Variants in ST8SIA6 observed in about 807,000 individuals in gnomAD.
ST8SIA6 encodes ST8 alpha-N-acetyl-neuraminide alpha-2,8-sialyltransferase 6, also known as alpha-2,8-sialyltransferase 8F.
ST8SIA6 carries 39 observed loss-of-function variants against 33.6 expected under a neutral mutation model. That is an observed-to-expected ratio of 1.16 (90% CI 0.90 to 1.52). The LOEUF (loss-of-function observed/expected upper bound fraction) is 1.52, where lower values mean the gene tolerates loss of function less well. Ranked by LOEUF, ST8SIA6 falls within the 40% of genes most tolerant of loss-of-function variation. The pLI is 0.00. For synonymous variants in ST8SIA6, 172 were observed against 167.2 expected (o/e 1.03, Z -0.22); for missense variants, 441 against 443.8 (o/e 0.99, Z 0.06).
chr10:17,436,468 C>T (rs1038441636), intron 2 of ST8SIA6, among the ~76,000 whole-genome samples: 3 of 151,790 alleles, frequency 2.0e-5, no homozygotes, highest in South Asian at 4.2e-4. Flanking sequence ...GTGTGCTGCA[C>T]CCATTAACTT....
At chr10:17,448,753 C>G (rs1394638032) in intron 2 of ST8SIA6, among the ~76,000 whole-genome samples, 1 of 150,828 alleles carries the variant, frequency 6.6e-6, no homozygotes, top group East Asian at 1.9e-4. Context: ...GTAGCTGGGA[C>G]TACAGGTGCC....
chr10:17,369,798 T>C (rs1019486698), intron 3 of ST8SIA6, among the ~76,000 whole-genome samples: 2 of 152,190 alleles, frequency 1.3e-5, no homozygotes, highest in African/African-American at 4.8e-5. Context: ...CTTTATCTCT[T>C]AACTTTATTG....
chr10:17,333,459 G>C (rs1198232470), intron 4 of ST8SIA6, among the ~76,000 whole-genome samples: 1 of 151,488 alleles, frequency 6.6e-6, no homozygotes, highest in Non-Finnish European at 1.5e-5. Flanking sequence ...AGAGAACAAA[G>C]CTGGAGGCAT....
rs190375570 is a variant in ST8SIA6, at chr10:17,400,393, G to A, written c.201-9773C>T. ...CTAAAAATACAAAACTTAGCCAGGCGTGGTGGCACATACCTGTAATCACAG... is the reference window on the plus strand; with the variant it reads ...CTAAAAATACAAAACTTAGCCAGGCATGGTGGCACATACCTGTAATCACAG... On this transcript the variant is annotated intron_variant, in intron 2 of 7. Coordinates refer to ENST00000377602, the MANE Select transcript of ST8SIA6 (RefSeq NM_001004470.3). Among the ~76,000 whole-genome samples the A allele has an allele frequency of 3.0e-3, 452 of 152,304 alleles. 2 individuals carry two copies. The highest frequency in any genetic ancestry group is 3.6e-3 in the Non-Finnish European group (247 of 68,020).
intron 3 of ST8SIA6, among the ~76,000 whole-genome samples, chr10:17,386,655 A>C (rs981971224): frequency 6.6e-6 from 1 of 152,196 alleles, no homozygotes; most frequent in African/African-American, 2.4e-5. Context: ...CCAACAAACA[A>C]CACAAGGCAG....
intron 4 of ST8SIA6, among the ~76,000 whole-genome samples, chr10:17,333,708 T>TATATAG (rs1848397166): frequency 3.0e-5 from 1 of 33,892 alleles, no homozygotes; most frequent in Non-Finnish European, 5.4e-5. Context: ...TATATATATA[T>TATATAG]ATATATATAT....
intron 7 of ST8SIA6, among the ~76,000 whole-genome samples, chr10:17,322,338 A>G (rs1847988337): frequency 6.6e-6 from 1 of 152,188 alleles, no homozygotes; most frequent in Non-Finnish European, 1.5e-5. Context: ...ATATAGATAT[A>G]CGTATAGGTT....
At chr10:17,394,931 CA>C (rs1285168837) in intron 2 of ST8SIA6, among the ~76,000 whole-genome samples, 1 of 152,192 alleles carries the variant, frequency 6.6e-6, no homozygotes, top group African/African-American at 2.4e-5. Flanking sequence ...AGCTGCAAGA[CA>C]AGCGTGGGCT....
At chr10:17,413,733 A>G (rs916905849) in intron 2 of ST8SIA6, among the ~76,000 whole-genome samples, 1 of 152,202 alleles carries the variant, frequency 6.6e-6, no homozygotes, top group Non-Finnish European at 1.5e-5. Context: ...TATCATTTAC[A>G]TATTATGATT....
At chr10:17,333,682 T>TATATAGATATATATAG in intron 4 of ST8SIA6, among the ~76,000 whole-genome samples, 1 of 16,572 alleles carries the variant, frequency 6.0e-5, no homozygotes, top group African/African-American at 2.7e-4. Flanking sequence ...GATATATATA[T>TATATAGATATATATAG]ATATATATAT....
At chr10:17,403,958 G>C (rs1426276891) in intron 2 of ST8SIA6, among the ~76,000 whole-genome samples, 1 of 151,686 alleles carries the variant, frequency 6.6e-6, no homozygotes, top group Non-Finnish European at 1.5e-5. Flanking sequence ...TCAGCTACTT[G>C]GGAGGCTGAG....
intron 5 of ST8SIA6, among the ~76,000 whole-genome samples, chr10:17,330,941 C>A (rs1015555282): frequency 1.3e-5 from 2 of 152,176 alleles, no homozygotes; most frequent in African/African-American, 4.8e-5. Flanking sequence ...TCTGTGAACA[C>A]AGCAGACAAC....
At chr10:17,377,638 T>G (rs1411296517) in intron 3 of ST8SIA6, among the ~76,000 whole-genome samples, 1 of 152,174 alleles carries the variant, frequency 6.6e-6, no homozygotes, top group Non-Finnish European at 1.5e-5. Flanking sequence ...GGCAACTGCC[T>G]AATTTTCATT....
intron 4 of ST8SIA6, among the ~76,000 whole-genome samples, chr10:17,335,805 G>A (rs1418567601): frequency 6.6e-6 from 1 of 152,040 alleles, no homozygotes; most frequent in East Asian, 1.9e-4. Context: ...CTTTTATCCA[G>A]CATTTTGAGA....
At chr10:17,420,870 G>T (rs550916032) in intron 2 of ST8SIA6, among the ~76,000 whole-genome samples, 1 of 152,350 alleles carries the variant, frequency 6.6e-6, no homozygotes, top group South Asian at 2.1e-4. Flanking sequence ...AGTCGTGGCG[G>T]AAGGCAAAGG....
chr10:17,354,869 G>A (rs755954836), intron 4 of ST8SIA6, among the ~76,000 whole-genome samples: 2 of 152,174 alleles, frequency 1.3e-5, no homozygotes, highest in African/African-American at 2.4e-5. Context: ...AATTTTGAGA[G>A]TTTTAGGAAA....
intron 2 of ST8SIA6, among the ~76,000 whole-genome samples, chr10:17,406,791 CTTTTTTTTTT>C (rs1281929219): frequency 1.7e-5 from 2 of 114,514 alleles, no homozygotes; most frequent in Non-Finnish European, 3.6e-5. Context: ...GAGGGCTAAT[CTTTTTTTTTT>C]TTTTTTTTTT....
chr10:17,453,939 G>GGTCCCTCTGCTCCCCAGCCGCCGTCCACC lies in ST8SIA6; in HGVS notation c.101+187_101+215dup, dbSNP rs1564473229. ...CGCTAGAGCCCCCGCAGCCCTGACC[G>GGTCCCTCTGCTCCCCAGCCGCCGTCCACC]GTCCCTCTGCTCCCCAGCCGCCGTC... is the stretch of plus-strand genomic sequence containing the variant. On this transcript the variant is annotated intron_variant, in intron 1 of 7. Coordinates refer to ENST00000377602, the MANE Select transcript of ST8SIA6 (RefSeq NM_001004470.3). 1.2e-4 allele frequency among the ~76,000 whole-genome samples: 18 copies of GGTCCCTCTGCTCCCCAGCCGCCGTCCACC among 152,164 alleles called. No homozygotes were observed. The South Asian group carries it at 3.7e-3, about 32-fold the overall frequency.
intron 2 of ST8SIA6, among the ~76,000 whole-genome samples, chr10:17,401,692 A>G (rs1303964062): frequency 6.6e-6 from 1 of 152,214 alleles, no homozygotes; most frequent in Non-Finnish European, 1.5e-5. Flanking sequence ...AGGATTCCCT[A>G]TTTAATAAAT....
Sources: allele counts gnomAD v4.1 joint callset (sites outside exome capture counted in the v4.1 genomes callset), GRCh38; gene constraint gnomAD v4.1.1; transcripts MANE v1.5; gene names NCBI Gene and HGNC (gene_info 2026-07-23, HGNC 2026-07-21).